EYS: variants seen among roughly 807,000 people sequenced by gnomAD.
The protein encoded by EYS is protein eyes shut homolog.
Under a neutral mutation model 282.1 loss-of-function variants are expected in EYS, and 250 were observed. That is an observed-to-expected ratio of 0.89 (90% CI 0.80 to 0.98). EYS has a LOEUF of 0.98. Among genes scored for constraint, EYS ranks in the 50% least tolerant of loss-of-function variants. The pLI, the probability that EYS is intolerant of heterozygous loss-of-function variation, is 0.00. For synonymous variants in EYS, 1,355 were observed against 1,282.9 expected (o/e 1.06, Z -1.20); for missense variants, 4,016 against 3,709.0 (o/e 1.08, Z -2.15).
In EYS at chr6:65,202,028, C is replaced by T. The variant is rs1237178858; in HGVS notation, c.2023+93835G>A. 4.6e-5 allele frequency among the ~76,000 whole-genome samples: 7 copies of T among 151,980 alleles called. No individual in the cohort carries two copies. The East Asian group carries it at 1.4e-3, about 29-fold the overall frequency. ...TCAGGGGGCTGAGGCATGAGAATAG[C>T]TTAAACCCAGGAGGCAGAGGTTACA... On this transcript the variant is annotated intron_variant, in intron 12 of 42. Coordinates refer to ENST00000503581, the MANE Select transcript of EYS (RefSeq NM_001142800.2).
At position 64,853,880 on chromosome 6, in the gene EYS, A is replaced by C. The variant is rs569761035; in HGVS notation, c.2993-31058T>G. ...CAAAGGGCTAATATCCAGAATCTAC[A>C]AAGAACTCAAACAAATTTACAAGAA... On this transcript the variant is annotated intron_variant, in intron 19 of 42. Coordinates refer to ENST00000503581, the MANE Select transcript of EYS (RefSeq NM_001142800.2). 4.6e-5 allele frequency among the ~76,000 whole-genome samples: 7 copies of C among 152,218 alleles called. No individual in the cohort carries two copies. The East Asian group carries it at 1.4e-3, about 29-fold the overall frequency.
At chr6:65,059,096 A>G (rs1326225320) in intron 12 of EYS, among the ~76,000 whole-genome samples, 1 of 152,160 alleles carries the variant, frequency 6.6e-6, no homozygotes, top group East Asian at 1.9e-4. Flanking sequence ...AGCTGAGAAA[A>G]AAAGTGAATA....
chr6:63,995,356 C>G (rs1767787420), intron 34 of EYS, among the ~76,000 whole-genome samples: 1 of 151,976 alleles, frequency 6.6e-6, no homozygotes, highest in South Asian at 2.1e-4. Context: ...AATGAGATAT[C>G]ACTTTATAAT....
chr6:64,298,877 AG>A (rs1769131410), intron 30 of EYS, among the ~76,000 whole-genome samples: 13 of 152,224 alleles, frequency 8.5e-5, no homozygotes, highest in Admixed American at 8.5e-4. Flanking sequence ...AAAAGAGATT[AG>A]GGGTTGCTAG....
At chr6:64,419,657 C>T (rs1774166308) in intron 28 of EYS, among the ~76,000 whole-genome samples, 1 of 152,222 alleles carries the variant, frequency 6.6e-6, no homozygotes, top group Non-Finnish European at 1.5e-5. Context: ...TCCAACAGGG[C>T]AGTCATTAAA....
At chr6:64,766,649 A>AAAAATATATATATATATATAT (rs1387919586) in intron 22 of EYS, among the ~76,000 whole-genome samples, 1 of 19,062 alleles carries the variant, frequency 5.2e-5, no homozygotes, top group African/African-American at 1.8e-4. Context: ...AAAAAAAAAA[A>AAAAATATATATATATATATAT]ATATATATAT....
intron 35 of EYS, among the ~76,000 whole-genome samples, chr6:63,912,804 A>G (rs1166700729): frequency 7.7e-6 from 1 of 129,586 alleles, no homozygotes; most frequent in East Asian, 2.5e-4. Flanking sequence ...ACTTGCTCCT[A>G]CTCCCCCTTT....
chr6:64,893,164 A>C (rs1386946766), intron 18 of EYS, among the ~76,000 whole-genome samples: 1 of 152,104 alleles, frequency 6.6e-6, no homozygotes, highest in African/African-American at 2.4e-5. Flanking sequence ...ATGGGATAAC[A>C]TATGCTATCA....
intron 12 of EYS, among the ~76,000 whole-genome samples, chr6:65,067,902 A>T (rs1001599227): frequency 6.6e-6 from 1 of 152,120 alleles, no homozygotes; most frequent in Non-Finnish European, 1.5e-5. Context: ...TCAGTAAGGG[A>T]TATGCTTATT....
At position 65,490,718 on chromosome 6, in the gene EYS, GA is replaced by G. The variant is rs764006148; in HGVS notation, c.749-12del. On this transcript the variant is annotated splice_polypyrimidine_tract_variant and intron_variant, in intron 4 of 42. Transcript: ENST00000503581. ...CTGAGCAATTCTTTCCTATAACAAT[GA>G]AAAAAAGTTTTTTTTACATTGGATA... is the stretch of plus-strand genomic sequence containing the variant. 9.5e-6 allele frequency: 15 copies of G among 1,575,382 alleles called. No individual in the cohort carries two copies. Among genetic ancestry groups the G allele is most frequent in the Non-Finnish European group, 1.3e-5 (15 of 1,146,308 alleles).
Position 64,650,916 on chromosome 6 carries a change from A to G in EYS, c.3444-24671T>C, listed in dbSNP as rs1403278312. Among the ~76,000 whole-genome samples, 8 of 152,214 alleles carry G rather than the reference A, an allele frequency of 5.3e-5. No homozygotes were observed. In the East Asian group the frequency reaches 1.5e-3, roughly 29 times the overall value. On this transcript the variant is annotated intron_variant, in intron 22 of 42. Coordinates refer to ENST00000503581, the MANE Select transcript of EYS (RefSeq NM_001142800.2). ...ATACCACAGCAATATATTAAAAATA[A>G]TAAAATATAAAAATGTATCTTCACG...
At position 65,408,163 on chromosome 6, in the gene EYS, AT is replaced by A. The variant is rs1414074018; in HGVS notation, c.863-2797del. ...TCGTACTTTATCAGGATAGAAAAAA[AT>A]ATGTTTATATGTGATTGGATTCAAT... On this transcript the variant is annotated intron_variant, in intron 5 of 42. Transcript: ENST00000503581. Among the ~76,000 whole-genome samples the A allele has an allele frequency of 3.3e-5, 5 of 152,086 alleles. No individual in the cohort carries two copies. The East Asian group carries it at 5.8e-4, about 18-fold the overall frequency.
intron 42 of EYS, among the ~76,000 whole-genome samples, chr6:63,723,285 C>T (rs1768477220): frequency 6.6e-6 from 1 of 152,008 alleles, no homozygotes; most frequent in Non-Finnish European, 1.5e-5. Flanking sequence ...TATAAACTTT[C>T]AGATTAGGAA....
chr6:64,609,317 G>C (rs538330591), intron 24 of EYS, among the ~76,000 whole-genome samples: 3 of 152,242 alleles, frequency 2.0e-5, no homozygotes, highest in Admixed American at 2.0e-4. Context: ...AAGATGAGTA[G>C]AATTGGGATA....
intron 12 of EYS, among the ~76,000 whole-genome samples, chr6:65,122,444 C>CT (rs1561977396): frequency 6.6e-6 from 1 of 151,922 alleles, no homozygotes; most frequent in Non-Finnish European, 1.5e-5. Flanking sequence ...TTATGAAGAG[C>CT]GTGTCAATGA....
At chr6:64,080,459 C>G (rs1345829829) in intron 32 of EYS, among the ~76,000 whole-genome samples, 1 of 152,058 alleles carries the variant, frequency 6.6e-6, no homozygotes, top group African/African-American at 2.4e-5. Flanking sequence ...GATATTAGCC[C>G]TTTGTCAGAT....
chr6:64,383,874 A>C (rs181775656), intron 29 of EYS, among the ~76,000 whole-genome samples: 154 of 152,298 alleles, frequency 1.0e-3, no homozygotes, highest in African/African-American at 3.5e-3. Context: ...TGAAGAGCTG[A>C]AAAAGGTTGA....
intron 40 of EYS, among the ~76,000 whole-genome samples, chr6:63,764,987 A>G (rs1769748186): frequency 6.6e-6 from 1 of 151,994 alleles, no homozygotes; most frequent in Non-Finnish European, 1.5e-5. Context: ...ATATTTTTCT[A>G]ACCCTTGATG....
chr6:65,678,513 A>T (rs560563270), intron 1 of EYS, among the ~76,000 whole-genome samples: 1 of 152,192 alleles, frequency 6.6e-6, no homozygotes, highest in South Asian at 2.1e-4. Flanking sequence ...CCAGAGGAAA[A>T]CATAGTGGAA....
Sources: gnomAD v4.1 joint callset for allele counts (sites outside exome capture counted in the v4.1 genomes callset) on GRCh38, gnomAD v4.1.1 for gene constraint, MANE v1.5 for transcripts, NCBI Gene and HGNC (gene_info 2026-07-23, HGNC 2026-07-21) for gene names.